The following SCLT1 variants were observed in gnomAD, a reference collection of about 807,000 sequenced individuals.
SCLT1 encodes sodium channel-associated protein 1.
A neutral mutation model predicts 112.8 loss-of-function variants in SCLT1; 78 were observed. That is an observed-to-expected ratio of 0.69 (90% CI 0.58 to 0.83). The LOEUF (loss-of-function observed/expected upper bound fraction) is 0.83. Ranked by LOEUF, SCLT1 falls within the 40% of genes least tolerant of loss-of-function variation. The pLI, the probability that SCLT1 is intolerant of heterozygous loss-of-function variation, is 0.00. For missense variants in SCLT1, 747 were observed against 770.4 expected (o/e 0.97, Z 0.36); for synonymous variants, 257 against 254.7 (o/e 1.01, Z -0.09).
chr4:128,919,057 A>AATTT (rs1408129615), intron 18 of SCLT1, among the ~76,000 whole-genome samples: 2 of 152,130 alleles, frequency 1.3e-5, no homozygotes, highest in African/African-American at 4.8e-5. Flanking sequence ...GGATCTGCAC[A>AATTT]GGACATTTGA....
At chr4:129,063,311 C>T (rs982248419) in intron 2 of SCLT1, among the ~76,000 whole-genome samples, 1 of 152,244 alleles carries the variant, frequency 6.6e-6, no homozygotes, top group African/African-American at 2.4e-5. Flanking sequence ...AACAGCTTCA[C>T]CAAGCTTCTC....
chr4:129,072,309 T>A (rs1751085118), intron 2 of SCLT1, among the ~76,000 whole-genome samples: 1 of 152,170 alleles, frequency 6.6e-6, no homozygotes, highest in Non-Finnish European at 1.5e-5. Flanking sequence ...TGCGATGAAT[T>A]TCCCAGATGT....
chr4:128,998,033 T>C (rs1167692158), intron 7 of SCLT1, 94 bp from the exon 8 acceptor site: 1 of 507,660 alleles, frequency 2.0e-6, no homozygotes, highest in African/African-American at 2.0e-5. Flanking sequence ...AAAATCATTA[T>C]GCCTAAGTTT....
intron 18 of SCLT1, among the ~76,000 whole-genome samples, chr4:128,899,310 A>G (rs1166855753): frequency 3.9e-5 from 6 of 152,216 alleles, no homozygotes; most frequent in Admixed American, 3.9e-4. Flanking sequence ...GCAGCACATC[A>G]AAAAGCTTAT....
intron 6 of SCLT1, among the ~76,000 whole-genome samples, chr4:129,002,278 A>G (rs1205747626): frequency 1.3e-5 from 2 of 152,048 alleles, no homozygotes; most frequent in Non-Finnish European, 2.9e-5. Flanking sequence ...AAGATATGAA[A>G]CATTTGGGAT....
chr4:128,910,518 A>G (rs1735011759), intron 18 of SCLT1, among the ~76,000 whole-genome samples: 3 of 152,306 alleles, frequency 2.0e-5, no homozygotes, highest in Admixed American at 2.0e-4. Context: ...TTTTTCCAGT[A>G]TCCCATTTGT....
At chr4:128,905,943 T>C (rs1027352725) in intron 18 of SCLT1, among the ~76,000 whole-genome samples, 2 of 152,182 alleles carry the variant, frequency 1.3e-5, no homozygotes, top group African/African-American at 4.8e-5. Flanking sequence ...CTGATTGTTA[T>C]ATTGTTGGTT....
At chr4:129,024,641 A>G (rs866354323) in intron 5 of SCLT1, among the ~76,000 whole-genome samples, 3 of 151,320 alleles carry the variant, frequency 2.0e-5, no homozygotes, top group African/African-American at 7.3e-5. Context: ...AAGCAGAGCG[A>G]CTCTCCTCCT....
At chr4:128,980,730 C>CT (rs926021267) in intron 9 of SCLT1, among the ~76,000 whole-genome samples, 2 of 152,134 alleles carry the variant, frequency 1.3e-5, no homozygotes, top group Admixed American at 6.5e-5. Flanking sequence ...ATGAGAAACA[C>CT]TAAAAATCTT....
chr4:129,039,799 G>A (rs1021784755), intron 4 of SCLT1: 1 of 172,242 alleles, frequency 5.8e-6, no homozygotes, highest in Admixed American at 6.0e-5. Context: ...AGAAAAGAAA[G>A]CATTTAAAGT....
chr4:129,026,535 C>T lies in SCLT1; in HGVS notation c.290+12506G>A, dbSNP rs577442726. Reference sequence around the variant, plus strand: ...AAGACACAACATACCAGAATCTCTGCGACATATTCAAAGCAGTGTGTAGAG... The same window carrying T: ...AAGACACAACATACCAGAATCTCTGTGACATATTCAAAGCAGTGTGTAGAG... On this transcript the variant is annotated intron_variant, in intron 5 of 20. Coordinates refer to ENST00000281142, the MANE Select transcript of SCLT1 (RefSeq NM_144643.4). 1.4e-4 allele frequency among the ~76,000 whole-genome samples: 22 copies of T among 151,894 alleles called. 1 individual carries two copies. The South Asian group carries it at 2.7e-3, about 19-fold the overall frequency.
At chr4:128,888,269 T>C (rs1197719226) in intron 20 of SCLT1, among the ~76,000 whole-genome samples, 2 of 151,374 alleles carry the variant, frequency 1.3e-5, no homozygotes, top group East Asian at 3.9e-4. Flanking sequence ...CAGGCTGGAG[T>C]GCAGTAGCAC....
intron 9 of SCLT1, chr4:128,971,108 A>G (rs535567444): frequency 6.6e-6 from 1 of 152,318 alleles, no homozygotes; most frequent in East Asian, 1.9e-4. Flanking sequence ...TAGAACAATA[A>G]TATGACTTTC....
chr4:129,017,560 C>T (rs1745101079), intron 5 of SCLT1, among the ~76,000 whole-genome samples: 1 of 151,902 alleles, frequency 6.6e-6, no homozygotes, highest in Admixed American at 6.6e-5. Flanking sequence ...TATGGTTAAA[C>T]ATCTTGAAAA....
chr4:128,955,633 G>T (rs920610552), intron 13 of SCLT1, among the ~76,000 whole-genome samples: 1 of 152,076 alleles, frequency 6.6e-6, no homozygotes, highest in East Asian at 1.9e-4. Flanking sequence ...AGGACATGCC[G>T]TGAATAATTT....
chr4:129,001,957 T>C (rs1428523727), intron 6 of SCLT1, among the ~76,000 whole-genome samples: 2 of 152,040 alleles, frequency 1.3e-5, no homozygotes, highest in Non-Finnish European at 2.9e-5. Flanking sequence ...CATGCTTTCC[T>C]CATTATTTCT....
At chr4:129,038,056 T>C (rs2125690692) in intron 5 of SCLT1, 1 of 152,874 alleles carries the variant, frequency 6.5e-6, no homozygotes, top group Non-Finnish European at 1.5e-5. Flanking sequence ...ATGGCACGAA[T>C]CCGGGAGGCG....
chr4:128,888,257 G>T (rs1292248573), intron 20 of SCLT1, among the ~76,000 whole-genome samples: 2 of 149,970 alleles, frequency 1.3e-5, no homozygotes, highest in African/African-American at 2.5e-5. Context: ...CACTCTGTCC[G>T]CCAGGCTGGA....
chr4:128,903,694 G>A (rs1354226800), intron 18 of SCLT1, among the ~76,000 whole-genome samples: 2 of 152,056 alleles, frequency 1.3e-5, no homozygotes, highest in Non-Finnish European at 2.9e-5. Context: ...GGTATTAAAG[G>A]GTGAAGAGAA....
Sources: gnomAD v4.1 joint callset for allele counts (sites outside exome capture counted in the v4.1 genomes callset) on GRCh38, gnomAD v4.1.1 for gene constraint, MANE v1.5 for transcripts, NCBI Gene and HGNC (gene_info 2026-07-23, HGNC 2026-07-21) for gene names.